Variants in DLGAP2 observed in about 807,000 individuals in gnomAD.
DLGAP2 encodes the protein disks large-associated protein 2.
Under a neutral mutation model 100.3 loss-of-function variants are expected in DLGAP2, and 26 were observed. The ratio of observed to expected loss-of-function variants is 0.26; its 90% CI spans 0.19 to 0.36. DLGAP2 has a LOEUF of 0.36. Among genes scored for constraint, DLGAP2 ranks in the 10% least tolerant of loss-of-function variants. DLGAP2 has a pLI of 1.00. For missense variants in DLGAP2, 1,858 were observed against 1,453.2 expected (o/e 1.28, Z -4.53); for synonymous variants, 886 against 630.1 (o/e 1.41, Z -6.08).
At chr8:1,192,833 C>G (rs1026218055) in intron 2 of DLGAP2, among the ~76,000 whole-genome samples, 4 of 151,958 alleles carry the variant, frequency 2.6e-5, no homozygotes, top group African/African-American at 9.7e-5. Context: ...TCCCCCCACC[C>G]CACAACAGGC....
intron 2 of DLGAP2, among the ~76,000 whole-genome samples, chr8:1,151,016 C>T (rs895117723): frequency 1.3e-5 from 2 of 152,074 alleles, no homozygotes; most frequent in African/African-American, 4.8e-5. Context: ...CATATGTAAT[C>T]GTTATGCTTT....
At chr8:739,710 AGATTT>A (rs1249056572) in intron 1 of DLGAP2, 2 of 152,212 alleles carry the variant, frequency 1.3e-5, no homozygotes, top group East Asian at 1.9e-4. Context: ...GGTGACTCAC[AGATTT>A]GGCTCCAATA....
intron 6 of DLGAP2, among the ~76,000 whole-genome samples, chr8:1,597,344 G>T (rs961080231): frequency 1.3e-5 from 2 of 151,128 alleles, no homozygotes; most frequent in African/African-American, 2.4e-5. Flanking sequence ...TTGGCTATAT[G>T]GACTCTTTTT....
chr8:1,335,346 G>A (rs1305421496), intron 3 of DLGAP2, among the ~76,000 whole-genome samples: 1 of 152,144 alleles, frequency 6.6e-6, no homozygotes, highest in Non-Finnish European at 1.5e-5. Context: ...TTAGAAAATC[G>A]AGTTTGGCAT....
chr8:1,234,359 C>G lies in DLGAP2; in HGVS notation c.74-24492C>G, dbSNP rs528702745. Among the ~76,000 whole-genome samples the G allele has an allele frequency of 2.6e-5, 4 of 152,300 alleles. No homozygotes were observed. In the South Asian group the frequency reaches 6.2e-4, roughly 24 times the overall value. On this transcript the variant is annotated intron_variant, in intron 2 of 14. Transcript: ENST00000637795. ...AGGGAAGTACGTGTTCTAGGCATCT[C>G]TCCTAATTCCTGGCCATTCCTTGGC...
chr8:1,260,906 C>G (rs993276505), intron 3 of DLGAP2, among the ~76,000 whole-genome samples: 4 of 152,208 alleles, frequency 2.6e-5, no homozygotes, highest in Admixed American at 6.5e-5. Flanking sequence ...CCACTGACGT[C>G]AGGCCAGAGT....
intron 4 of DLGAP2, among the ~76,000 whole-genome samples, chr8:1,518,952 C>G (rs1800490544): frequency 6.6e-6 from 1 of 152,188 alleles, no homozygotes; most frequent in South Asian, 2.1e-4. Flanking sequence ...ACCAACTCTG[C>G]TTGGAGGGTC....
At chr8:1,217,019 G>T (rs1798228173) in intron 2 of DLGAP2, among the ~76,000 whole-genome samples, 1 of 152,094 alleles carries the variant, frequency 6.6e-6, no homozygotes, top group South Asian at 2.1e-4. Flanking sequence ...TGGATAAATT[G>T]CCTAGCTGGG....
chr8:1,623,232 A>G (rs911826432), intron 6 of DLGAP2, among the ~76,000 whole-genome samples: 2 of 152,226 alleles, frequency 1.3e-5, no homozygotes, highest in Non-Finnish European at 2.9e-5. Flanking sequence ...GGGATTTTAA[A>G]GCATGAATTC....
intron 14 of DLGAP2, among the ~76,000 whole-genome samples, chr8:1,699,667 C>T (rs1799513484): frequency 6.6e-6 from 1 of 152,130 alleles, no homozygotes; most frequent in South Asian, 2.1e-4. Flanking sequence ...CAGAGCACGC[C>T]AGTCCAGAAA....
chr8:870,658 C>G (rs1032409109), intron 1 of DLGAP2, among the ~76,000 whole-genome samples: 1 of 152,086 alleles, frequency 6.6e-6, no homozygotes, highest in African/African-American at 2.4e-5. Context: ...CTAATCCAGA[C>G]TATTATCCAG....
At chr8:1,676,382 C>T in intron 10 of DLGAP2, 151 bp from the exon 11 acceptor site, 1 of 723,380 alleles carries the variant, frequency 1.4e-6, no homozygotes. Context: ...GAATGCATTT[C>T]CCTCTCTGCG....
chr8:1,317,690 A>C (rs374769059), intron 3 of DLGAP2, among the ~76,000 whole-genome samples: 1,121 of 87,104 alleles, frequency 0.013, 2 homozygotes, highest in Middle Eastern at 0.022. Flanking sequence ...GCGTCTCTCC[A>C]ACAGTGGTCT....
At chr8:1,057,703 C>A (rs2129034325) in intron 2 of DLGAP2, among the ~76,000 whole-genome samples, 1 of 152,346 alleles carries the variant, frequency 6.6e-6, no homozygotes, top group East Asian at 1.9e-4. Context: ...TTGCGAACAG[C>A]TTGTGGCCTT....
At position 1,626,874 on chromosome 8, in the gene DLGAP2, G is replaced by T; in HGVS notation, c.1577G>T (p.Ser526Ile). ...GCCGTCAGCACCCTGAGCCAGGCCA[G>T]CTGCGTGAGCCAGGTCAGGGTCCCT... ...MRAVSTLSQASCVSQVSEAEI... is the reference protein window; with the variant it reads ...MRAVSTLSQAICVSQVSEAEI... Residue 526 changes from serine (S) to isoleucine (I), a missense_variant, in exon 7 of 15, where the codon AGC (serine) becomes ATC (isoleucine). Transcript: ENST00000637795. 6.2e-7 allele frequency: 1 copy of T among 1,602,524 alleles called. No homozygotes were observed. Among genetic ancestry groups the T allele is most frequent in the East Asian group, 2.3e-5 (1 of 44,328 alleles).
intron 2 of DLGAP2, among the ~76,000 whole-genome samples, chr8:1,140,759 ATCAGGAGT>A (rs1279429661): frequency 6.6e-6 from 1 of 152,172 alleles, no homozygotes. Context: ...ATCACTTGAG[ATCAGGAGT>A]TCAGAGACCA....
intron 2 of DLGAP2, among the ~76,000 whole-genome samples, chr8:1,111,820 A>C (rs1374634065): frequency 6.6e-6 from 1 of 152,152 alleles, no homozygotes; most frequent in Non-Finnish European, 1.5e-5. Flanking sequence ...TGGGCATTTA[A>C]GTTGATTCCA....
intron 1 of DLGAP2, among the ~76,000 whole-genome samples, chr8:876,802 G>A (rs1399011147): frequency 1.3e-5 from 2 of 152,062 alleles, no homozygotes; most frequent in Non-Finnish European, 2.9e-5. Flanking sequence ...ATGCTTCTGA[G>A]CTCCTTCAGT....
At chr8:823,062 GC>G (rs1176802457) in intron 1 of DLGAP2, among the ~76,000 whole-genome samples, 1 of 151,900 alleles carries the variant, frequency 6.6e-6, no homozygotes, top group Non-Finnish European at 1.5e-5. Flanking sequence ...TTCAGGGGGG[GC>G]CATGTTGCTG....
Sources: gnomAD v4.1 joint callset for allele counts (sites outside exome capture counted in the v4.1 genomes callset) on GRCh38, gnomAD v4.1.1 for gene constraint, MANE v1.5 for transcripts, NCBI Gene and HGNC (gene_info 2026-07-23, HGNC 2026-07-21) for gene names.